Variants in CYTH3 observed in about 807,000 individuals in gnomAD.
CYTH3 encodes cytohesin-3.
In CYTH3, 23 loss-of-function variants were observed where a neutral mutation model predicts 55.1. The ratio of observed to expected loss-of-function variants is 0.42; its 90% CI spans 0.30 to 0.59. The LOEUF (loss-of-function observed/expected upper bound fraction) is 0.59, where lower values mean the gene tolerates loss of function less well. CYTH3 is among the 20% of genes least tolerant of loss of function. CYTH3 has a pLI of 0.20. For synonymous variants in CYTH3, 249 were observed against 194.9 expected, an observed-to-expected ratio of 1.28 and a Z score of -2.31; for missense variants, 413 against 524.8, an observed-to-expected ratio of 0.79 and a Z score of 2.08.
chr7:6,201,972 G>GA (rs972111762), intron 1 of CYTH3, among the ~76,000 whole-genome samples: 4 of 152,066 alleles, frequency 2.6e-5, no homozygotes, highest in Admixed American at 1.3e-4. Context: ...TTGGGTGCAG[G>GA]AAAAAAAATC....
At chr7:6,202,940 G>C (rs1000296255) in intron 1 of CYTH3, among the ~76,000 whole-genome samples, 1 of 152,008 alleles carries the variant, frequency 6.6e-6, no homozygotes, top group Non-Finnish European at 1.5e-5. Context: ...TAAAACATAC[G>C]AATACATAAA....
intron 9 of CYTH3, among the ~76,000 whole-genome samples, chr7:6,168,676 G>A (rs1268900196): frequency 6.6e-6 from 1 of 152,196 alleles, no homozygotes; most frequent in Non-Finnish European, 1.5e-5. Flanking sequence ...CTTGGTTCCC[G>A]TGAGCACTGT....
rs1347186679 is a variant in CYTH3 at position 6,170,354 on chromosome 7, G to A, written c.823+181C>T. On this transcript the variant is annotated intron_variant, in intron 9 of 12. Coordinates refer to ENST00000350796, the MANE Select transcript of CYTH3 (RefSeq NM_004227.4). The surrounding 1 kb of genome is among the most constrained non-coding windows in gnomAD (Gnocchi z 7.8). ...GCCGCGGGCATGGCTCTGAGGCCCC[G>A]GCTCGGAGAAGCAGCCGTGGCCATG... 4.9e-6 allele frequency: 3 copies of A among 608,670 alleles called. No individual in the cohort carries two copies. Among genetic ancestry groups the A allele is most frequent in the Admixed American group, 3.2e-5 (1 of 31,170 alleles). 37.7% of individuals were successfully genotyped at this position (608,670 alleles called of 1,614,324 possible).
At chr7:6,211,530 T>C (rs1309340040) in intron 1 of CYTH3, among the ~76,000 whole-genome samples, 1 of 152,246 alleles carries the variant, frequency 6.6e-6, no homozygotes, top group African/African-American at 2.4e-5. Flanking sequence ...TGCACACCTA[T>C]AGTCCTAGAC....
chr7:6,262,285 A>G (rs1340866420), intron 1 of CYTH3, among the ~76,000 whole-genome samples: 2 of 152,206 alleles, frequency 1.3e-5, no homozygotes, highest in Non-Finnish European at 2.9e-5. Context: ...GCAATCAATG[A>G]AGAGATAATG....
At chr7:6,264,316 T>C (rs997431043) in intron 1 of CYTH3, among the ~76,000 whole-genome samples, 3 of 151,978 alleles carry the variant, frequency 2.0e-5, no homozygotes, top group Admixed American at 6.6e-5. Context: ...TGTTGAAGTA[T>C]GAAATATATA....
At chr7:6,192,327 C>A (rs1360886793) in intron 1 of CYTH3, among the ~76,000 whole-genome samples, 1 of 151,972 alleles carries the variant, frequency 6.6e-6, no homozygotes, top group Non-Finnish European at 1.5e-5. Flanking sequence ...AAGCAATCCT[C>A]CCACCTCAGC....
At chr7:6,250,897 C>T (rs1366216547) in intron 1 of CYTH3, among the ~76,000 whole-genome samples, 1 of 152,220 alleles carries the variant, frequency 6.6e-6, no homozygotes. Context: ...TGCACAGTCC[C>T]TCGCTCCTGT....
chr7:6,222,504 G>A (rs779296088), intron 1 of CYTH3, among the ~76,000 whole-genome samples: 3 of 152,138 alleles, frequency 2.0e-5, no homozygotes, highest in South Asian at 2.1e-4. Flanking sequence ...CCCAGCACTC[G>A]GGGAGGCCAA....
intron 1 of CYTH3, among the ~76,000 whole-genome samples, chr7:6,254,114 G>A (rs995632918): frequency 7.2e-5 from 11 of 152,020 alleles, no homozygotes; most frequent in South Asian, 2.1e-4. Flanking sequence ...CCCGGGAGAC[G>A]GAGGTTGAAG....
rs1213585187 is a variant in CYTH3 at position 6,167,796 on chromosome 7, G to A, written c.824-1986C>T. Reference sequence around the variant, plus strand: ...TCTCTTCCTCCACGCTCCCAGCATGGTGGACAGCAAAGGACCTGTATGTTC... The same window carrying A: ...TCTCTTCCTCCACGCTCCCAGCATGATGGACAGCAAAGGACCTGTATGTTC... On this transcript the variant is annotated intron_variant, in intron 9 of 12. Coordinates refer to ENST00000350796, the MANE Select transcript of CYTH3 (RefSeq NM_004227.4). The surrounding 1 kb of genome is among the most constrained non-coding windows in gnomAD (Gnocchi z 5.5). Among the ~76,000 whole-genome samples the A allele has an allele frequency of 6.6e-6, 1 of 152,224 alleles. No individual in the cohort carries two copies. Among genetic ancestry groups the A allele is most frequent in the Admixed American group, 6.5e-5 (1 of 15,292 alleles).
intron 1 of CYTH3, among the ~76,000 whole-genome samples, chr7:6,223,478 T>C (rs1779144386): frequency 6.6e-6 from 1 of 152,224 alleles, no homozygotes; most frequent in African/African-American, 2.4e-5. Flanking sequence ...CATCATTTTG[T>C]TCTGTACTAA....
chr7:6,221,185 CTG>C (rs1429024793), intron 1 of CYTH3, among the ~76,000 whole-genome samples: 4 of 152,128 alleles, frequency 2.6e-5, no homozygotes, highest in Admixed American at 2.0e-4. Context: ...GAGAAATAAA[CTG>C]TGATATATAT....
At chr7:6,268,364 T>C (rs1174665928) in intron 1 of CYTH3, among the ~76,000 whole-genome samples, 9 of 152,204 alleles carry the variant, frequency 5.9e-5, no homozygotes, top group Admixed American at 3.9e-4. Flanking sequence ...GAAACGGAGT[T>C]TCACCATGCT....
At chr7:6,249,192 G>A (rs1054771511) in intron 1 of CYTH3, among the ~76,000 whole-genome samples, 1 of 152,144 alleles carries the variant, frequency 6.6e-6, no homozygotes, top group African/African-American at 2.4e-5. Flanking sequence ...ACTATGTTCT[G>A]TGTTTGTGAG....
rs145466510 is a variant in CYTH3 at position 6,165,545 on chromosome 7, G to A, written c.972C>T (p.Pro324=). 9.8e-5 allele frequency: 158 copies of A among 1,613,846 alleles called. No individual in the cohort carries two copies. In the African/African-American group the frequency reaches 1.3e-3, roughly 13 times the overall value. Residue 324 remains proline, a splice_region_variant and synonymous_variant, in exon 11 of 13, where the codon CCC becomes CCT. Coordinates refer to ENST00000350796, the MANE Select transcript of CYTH3 (RefSeq NM_004227.4). ...AGAAGGTTCAGGAGGAAGAGCTTAC[G>A]GGTTTCCGGGGGTCCTCCACCTCCC... ...SIREVEDPRK[P]NCFELYNPSH... is the part of the protein sequence containing the mutation.
intron 1 of CYTH3, among the ~76,000 whole-genome samples, chr7:6,249,914 C>T (rs954234746): frequency 1.3e-5 from 2 of 152,166 alleles, no homozygotes; most frequent in African/African-American, 2.4e-5. Flanking sequence ...GCATACAATA[C>T]GTTATCTCTA....
At chr7:6,181,385 GT>G (rs1161730181) in intron 4 of CYTH3, among the ~76,000 whole-genome samples, 1 of 152,164 alleles carries the variant, frequency 6.6e-6, no homozygotes, top group Non-Finnish European at 1.5e-5. Context: ...TCTCTTGTGA[GT>G]GACAGGACAG....
chr7:6,245,140 T>C (rs1779777246), intron 1 of CYTH3, among the ~76,000 whole-genome samples: 1 of 151,594 alleles, frequency 6.6e-6, no homozygotes, highest in African/African-American at 2.4e-5. Flanking sequence ...TTACATAAAA[T>C]GTTACAAAAT....
Sources: gnomAD v4.1 joint callset for allele counts (sites outside exome capture counted in the v4.1 genomes callset) on GRCh38, gnomAD v4.1.1 for gene constraint, Gnocchi (gnomAD v3.1) non-coding constraint, MANE v1.5 for transcripts, NCBI Gene and HGNC (gene_info 2026-07-23, HGNC 2026-07-21) for gene names.